OPCML: variants seen among roughly 807,000 people sequenced by gnomAD.
The protein encoded by OPCML is opioid binding protein/cell adhesion molecule like, also known as opioid-binding protein/cell adhesion molecule.
Under a neutral mutation model 37.8 loss-of-function variants are expected in OPCML, and 13 were observed. That is an observed-to-expected ratio of 0.34 (90% confidence interval 0.22 to 0.55). The LOEUF is 0.55. Ranked by LOEUF, OPCML falls within the 20% of genes least tolerant of loss-of-function variation. The pLI is 0.91. For missense variants in OPCML, 341 were observed against 435.6 expected, an observed-to-expected ratio of 0.78 and a Z score of 1.93; for synonymous variants, 176 against 168.8, an observed-to-expected ratio of 1.04 and a Z score of -0.33.
chr11:133,436,999 C>T (rs4937770), intron 1 of OPCML, among the ~76,000 whole-genome samples: 1 of 152,028 alleles, frequency 6.6e-6, no homozygotes, highest in Admixed American at 6.5e-5. Flanking sequence ...CTCACACATC[C>T]GCATGAGCCC....
chr11:133,071,390 G>A (rs1948531070), intron 1 of OPCML, among the ~76,000 whole-genome samples: 1 of 152,176 alleles, frequency 6.6e-6, no homozygotes, highest in Non-Finnish European at 1.5e-5. Flanking sequence ...CTCACAAGTG[G>A]AATGATGTAA....
Position 132,498,556 on chromosome 11 carries a change from G to GC in OPCML, c.505+30504dup, listed in dbSNP as rs1200760216. ...CTAAAACCAATGTCTAAGGATGTTG[G>GC]CATTTGTCAAGATTACTTGGCTTTA... is the stretch of plus-strand genomic sequence containing the variant. On this transcript the variant is annotated intron_variant, in intron 4 of 7. Coordinates refer to ENST00000524381, the MANE Select transcript of OPCML (RefSeq NM_001012393.5). 2.6e-5 allele frequency among the ~76,000 whole-genome samples: 4 copies of GC among 152,268 alleles called. No homozygotes were observed. In the East Asian group the frequency reaches 5.8e-4, roughly 22 times the overall value.
At chr11:133,006,751 C>CATTG in intron 1 of OPCML, 1 of 985,450 alleles carries the variant, frequency 1.0e-6, no homozygotes. Context: ...AACACCTAGA[C>CATTG]ATTGGCCTGA....
intron 2 of OPCML, among the ~76,000 whole-genome samples, chr11:132,707,865 T>C (rs1260348267): frequency 3.3e-5 from 5 of 152,026 alleles, no homozygotes; most frequent in Non-Finnish European, 4.4e-5. Context: ...ATAGAAGAAA[T>C]CATGAAAAAA....
intron 2 of OPCML, among the ~76,000 whole-genome samples, chr11:132,711,045 C>G (rs1488283868): frequency 6.6e-6 from 1 of 152,042 alleles, no homozygotes; most frequent in Non-Finnish European, 1.5e-5. Flanking sequence ...ATGCAGGAGA[C>G]CAACGCCAGT....
intron 1 of OPCML, among the ~76,000 whole-genome samples, chr11:133,338,130 C>T (rs978502353): frequency 1.3e-5 from 2 of 152,136 alleles, no homozygotes; most frequent in South Asian, 2.1e-4. Context: ...CAAAAGATGA[C>T]TGCCAGAGGA....
At chr11:132,630,935 A>T (rs1940063207) in intron 3 of OPCML, among the ~76,000 whole-genome samples, 1 of 152,208 alleles carries the variant, frequency 6.6e-6, no homozygotes, top group Non-Finnish European at 1.5e-5. Flanking sequence ...ACTACTCAGC[A>T]AATACATAAA....
chr11:133,432,190 C>T (rs4567477), intron 1 of OPCML, among the ~76,000 whole-genome samples: 41,067 of 151,852 alleles, frequency 0.27, 7,766 homozygotes, highest in African/African-American at 0.53. Flanking sequence ...ACCAAACCAC[C>T]GCAACACGCA....
At chr11:132,941,393 T>G (rs1268961460) in intron 2 of OPCML, among the ~76,000 whole-genome samples, 1 of 152,150 alleles carries the variant, frequency 6.6e-6, no homozygotes, top group Non-Finnish European at 1.5e-5. Context: ...CAGTGGCACA[T>G]TAGATGGTAA....
At chr11:133,191,582 A>G (rs982130757) in intron 1 of OPCML, among the ~76,000 whole-genome samples, 1 of 150,406 alleles carries the variant, frequency 6.6e-6, no homozygotes, top group Non-Finnish European at 1.5e-5. Context: ...CAAAGGCGTG[A>G]TCTTGGGTTC....
rs550564383 is a variant in OPCML, at chr11:133,229,532, A to G, written c.62-286522T>C. On this transcript the variant is annotated intron_variant, in intron 1 of 7. Coordinates refer to ENST00000524381, the MANE Select transcript of OPCML (RefSeq NM_001012393.5). ...AATGAACAATTTAAAGGATTAAAAA[A>G]GAAAAGGGCTCCCAATGCATCCCAC... Among the ~76,000 whole-genome samples, 4 of 152,334 alleles carry G rather than the reference A, an allele frequency of 2.6e-5. No individual in the cohort carries two copies. The East Asian group carries it at 7.7e-4, about 29-fold the overall frequency.
chr11:133,496,698 A>G (rs955075136), intron 1 of OPCML, among the ~76,000 whole-genome samples: 5 of 152,154 alleles, frequency 3.3e-5, no homozygotes, highest in Non-Finnish European at 7.4e-5. Flanking sequence ...TTGATTCTCC[A>G]CTTGGTCACT....
intron 1 of OPCML, among the ~76,000 whole-genome samples, chr11:133,498,457 A>T (rs944786928): frequency 3.3e-5 from 5 of 152,220 alleles, no homozygotes. Context: ...AGTCAGAACT[A>T]GAGCAATCCC....
rs2096390257 is a variant in OPCML, at chr11:132,554,706, T to C, written c.380-25520A>G. ...TTGCAATTCACTAGGCTTTCCAATG[T>C]TCTGAGCCTTAGCTTAGGAGTTTGC... is the stretch of plus-strand genomic sequence containing the variant. On this transcript the variant is annotated intron_variant, in intron 3 of 7. Transcript: ENST00000524381. Among the ~76,000 whole-genome samples, 4 of 152,244 alleles carry C rather than the reference T, an allele frequency of 2.6e-5. 1 individual carries two copies. The South Asian group carries it at 8.3e-4, about 32-fold the overall frequency.
intron 2 of OPCML, among the ~76,000 whole-genome samples, chr11:132,723,078 C>T (rs1383559797): frequency 6.6e-6 from 1 of 152,088 alleles, no homozygotes; most frequent in Non-Finnish European, 1.5e-5. Context: ...TGCACTTTGC[C>T]TAGACAGAAC....
At chr11:132,550,448 G>A (rs959309514) in intron 3 of OPCML, among the ~76,000 whole-genome samples, 1 of 152,056 alleles carries the variant, frequency 6.6e-6, no homozygotes, top group African/African-American at 2.4e-5. Flanking sequence ...TCCTGCTCTG[G>A]CCACGTGAAG....
At chr11:133,146,312 C>CTTTTTTTTT (rs869237328) in intron 1 of OPCML, among the ~76,000 whole-genome samples, 1 of 128,720 alleles carries the variant, frequency 7.8e-6, no homozygotes, top group Non-Finnish European at 1.6e-5. Flanking sequence ...TCCATCTTTT[C>CTTTTTTTTT]TTTTTTTTTT....
At chr11:133,051,472 C>A (rs141470521) in intron 1 of OPCML, among the ~76,000 whole-genome samples, 66 of 152,266 alleles carry the variant, frequency 4.3e-4, no homozygotes, top group African/African-American at 1.5e-3. Flanking sequence ...ACTCACTACA[C>A]TATGCTTCTC....
At chr11:133,337,829 T>A (rs536860059) in intron 1 of OPCML, among the ~76,000 whole-genome samples, 1 of 152,256 alleles carries the variant, frequency 6.6e-6, no homozygotes, top group South Asian at 2.1e-4. Context: ...AAAAAGGAGA[T>A]GATGTTACAG....
Sources: allele counts gnomAD v4.1 joint callset (sites outside exome capture counted in the v4.1 genomes callset), GRCh38; gene constraint gnomAD v4.1.1; transcripts MANE v1.5; gene names NCBI Gene and HGNC (gene_info 2026-07-23, HGNC 2026-07-21).